Variants in PRDM5 observed in about 807,000 individuals in gnomAD.
PRDM5 encodes the protein PR domain zinc finger protein 5.
PRDM5 carries 56 observed loss-of-function variants against 81.2 expected under a neutral mutation model. The observed-to-expected ratio is 0.69, with a 90% CI of 0.56 to 0.86. PRDM5 has a LOEUF of 0.86. Ranked by LOEUF, PRDM5 falls within the 40% of genes least tolerant of loss-of-function variation. The pLI is 0.00. For synonymous variants in PRDM5, 267 were observed against 256.4 expected (o/e 1.04, Z -0.39); for missense variants, 697 against 770.1 (o/e 0.91, Z 1.12).
chr4:120,760,962 A>G (rs1388359763), intron 13 of PRDM5, among the ~76,000 whole-genome samples: 2 of 152,216 alleles, frequency 1.3e-5, no homozygotes, highest in Non-Finnish European at 2.9e-5. Flanking sequence ...GGGCTGGAGA[A>G]GTGGGCAGGT....
intron 4 of PRDM5, among the ~76,000 whole-genome samples, chr4:120,819,934 C>G (rs370666823): frequency 1.3e-5 from 2 of 152,134 alleles, no homozygotes; most frequent in African/African-American, 4.8e-5. Flanking sequence ...ACTTTCTCAG[C>G]CAATAACATG....
chr4:120,737,062 G>A (rs1741218841), intron 14 of PRDM5, among the ~76,000 whole-genome samples: 1 of 152,102 alleles, frequency 6.6e-6, no homozygotes, highest in South Asian at 2.1e-4. Context: ...CCATGCTGTG[G>A]CCTGAGGTGT....
chr4:120,712,510 C>A lies in PRDM5; in HGVS notation c.1624-2097G>T, dbSNP rs557851162. On this transcript the variant is annotated intron_variant, in intron 14 of 15. Coordinates refer to ENST00000264808, the MANE Select transcript of PRDM5 (RefSeq NM_018699.4). The stretch of plus-strand genomic sequence containing the variant: ...TGCCGCTCTCAATTGCCTCCTCCCC[C>A]ACCACCTGCAGCACTCTCCCATCTC... 4.6e-5 allele frequency among the ~76,000 whole-genome samples: 7 copies of A among 152,282 alleles called. No individual in the cohort carries two copies. In the East Asian group the frequency reaches 1.4e-3, roughly 29 times the overall value.
At chr4:120,705,033 G>A (rs911021932) in intron 15 of PRDM5, among the ~76,000 whole-genome samples, 3 of 152,208 alleles carry the variant, frequency 2.0e-5, no homozygotes, top group Non-Finnish European at 4.4e-5. Flanking sequence ...TGTTTTGTAA[G>A]TGGTGGGAAT....
Position 120,694,970 on chromosome 4 carries a change from A to G in PRDM5, c.*141T>C, listed in dbSNP as rs886059040. ...CTTTTTTTTGGTTGCATATGCATCT[A>G]CAGACTCTAAATGTAGGCAAATAAG... On this transcript the variant is annotated 3_prime_UTR_variant, in exon 16 of 16. Transcript: ENST00000264808. 2.0e-6 allele frequency: 2 copies of G among 1,009,612 alleles called. No individual in the cohort carries two copies. The highest frequency in any genetic ancestry group is 3.1e-6 in the Non-Finnish European group (2 of 653,824). 62.5% of individuals were successfully genotyped at this position (1,009,612 alleles called of 1,614,324 possible).
chr4:120,904,100 G>A (rs1245368647), intron 2 of PRDM5, among the ~76,000 whole-genome samples: 1 of 142,988 alleles, frequency 7.0e-6, no homozygotes, highest in Non-Finnish European at 1.5e-5. Context: ...TGAGGCAGGA[G>A]AACCTCTTGA....
intron 2 of PRDM5, chr4:120,895,780 A>C (rs967876098): frequency 6.6e-6 from 1 of 152,210 alleles, no homozygotes; most frequent in Non-Finnish European, 1.5e-5. Flanking sequence ...TGACTCAAAC[A>C]ATCCTCTCAC....
At chr4:120,913,049 T>A (rs1339671612) in intron 1 of PRDM5, among the ~76,000 whole-genome samples, 1 of 152,250 alleles carries the variant, frequency 6.6e-6, no homozygotes, top group Non-Finnish European at 1.5e-5. Flanking sequence ...TGAGGCAGAC[T>A]AGTTGCCTCC....
intron 14 of PRDM5, among the ~76,000 whole-genome samples, chr4:120,746,280 A>T (rs1743023486): frequency 1.4e-5 from 2 of 144,808 alleles, no homozygotes; most frequent in African/African-American, 2.6e-5. Flanking sequence ...ACAAAAATTA[A>T]TTCCAGATGG....
intron 2 of PRDM5, among the ~76,000 whole-genome samples, chr4:120,879,926 A>G (rs1762680931): frequency 6.6e-6 from 1 of 152,162 alleles, no homozygotes; most frequent in South Asian, 2.1e-4. Context: ...ACTATTCTAT[A>G]TGACACTGTA....
chr4:120,717,127 A>T (rs1194972415), intron 14 of PRDM5, among the ~76,000 whole-genome samples: 1 of 151,692 alleles, frequency 6.6e-6, no homozygotes, highest in Non-Finnish European at 1.5e-5. Flanking sequence ...AGTATAAATT[A>T]TACACTTTAA....
intron 2 of PRDM5, among the ~76,000 whole-genome samples, chr4:120,870,651 A>C (rs1229228289): frequency 6.6e-5 from 10 of 152,204 alleles, no homozygotes; most frequent in Non-Finnish European, 1.3e-4. Flanking sequence ...GTGAGTGTGA[A>C]TTAAACGTGA....
At position 120,699,293 on chromosome 4, in the gene PRDM5, G is replaced by A. The variant is rs1578574874; in HGVS notation, c.1729-4018C>T. Among the ~76,000 whole-genome samples the A allele has an allele frequency of 4.7e-5, 7 of 149,218 alleles. 1 individual carries two copies. Among genetic ancestry groups the A allele is most frequent in the Admixed American group, 4.0e-4 (6 of 14,976 alleles). ...TTATATTTTATCTCAAATTGCTACT[G>A]ACTAGTAGTATTAACTCTGCTTTCT... On this transcript the variant is annotated intron_variant, in intron 15 of 15. Coordinates refer to ENST00000264808, the MANE Select transcript of PRDM5 (RefSeq NM_018699.4).
chr4:120,740,581 G>C (rs1445530027), intron 14 of PRDM5, among the ~76,000 whole-genome samples: 1 of 152,084 alleles, frequency 6.6e-6, no homozygotes, highest in Non-Finnish European at 1.5e-5. Context: ...CCTATACTGA[G>C]TATGTCTAAA....
chr4:120,695,211 T>A lies in PRDM5; in HGVS notation c.1793A>T (p.Asn598Ile). 1 of 1,613,646 alleles carries A rather than the reference T, an allele frequency of 6.2e-7. No individual in the cohort carries two copies. Among genetic ancestry groups the A allele is most frequent in the Non-Finnish European group, 8.5e-7 (1 of 1,179,688 alleles). ...LIRHKMTHNPNRPLAECQFCH... is the reference protein window; with the variant it reads ...LIRHKMTHNPIRPLAECQFCH... Reference sequence around the variant, plus strand: ...AAACTGGCATTCTGCCAGGGGACGATTGGGATTATGAGTCATCTTGTGTCG... The same window carrying A: ...AAACTGGCATTCTGCCAGGGGACGAATGGGATTATGAGTCATCTTGTGTCG... Residue 598 changes from asparagine (N) to isoleucine (I), a missense_variant, in exon 16 of 16, where the codon AAT (asparagine) becomes ATT (isoleucine). Asn to Ile is a moderately radical substitution (Grantham distance 149). This residue lies in a region of PRDM5 where 86 missense variants were observed against 135.2 expected (regional missense o/e 0.64). Coordinates refer to ENST00000264808, the MANE Select transcript of PRDM5 (RefSeq NM_018699.4).
intron 3 of PRDM5, chr4:120,839,199 G>A (rs1465514762): frequency 2.9e-6 from 2 of 701,300 alleles, no homozygotes; most frequent in Non-Finnish European, 5.2e-6. Context: ...AATGTGGCAA[G>A]CAAGGAGCAG....
At chr4:120,756,230 T>C (rs1227720317) in intron 13 of PRDM5, among the ~76,000 whole-genome samples, 1 of 152,194 alleles carries the variant, frequency 6.6e-6, no homozygotes, top group Non-Finnish European at 1.5e-5. Context: ...AATCTCCATG[T>C]ACACATATGT....
At chr4:120,857,467 A>T (rs1429937603) in intron 2 of PRDM5, among the ~76,000 whole-genome samples, 1 of 152,242 alleles carries the variant, frequency 6.6e-6, no homozygotes, top group African/African-American at 2.4e-5. Context: ...GCTGCTTCAC[A>T]TTTAATGAAA....
At chr4:120,829,595 G>A (rs912934902) in intron 3 of PRDM5, among the ~76,000 whole-genome samples, 4 of 152,038 alleles carry the variant, frequency 2.6e-5, no homozygotes, top group Non-Finnish European at 2.9e-5. Flanking sequence ...GAGAGGCCAC[G>A]GGTAATTTGG....
Sources: gnomAD v4.1 joint callset for allele counts (sites outside exome capture counted in the v4.1 genomes callset) on GRCh38, gnomAD v4.1.1 for gene constraint, gnomAD v4.1.1 regional missense constraint, MANE v1.5 for transcripts, NCBI Gene and HGNC (gene_info 2026-07-23, HGNC 2026-07-21) for gene names.